Variants in BMERB1 observed in about 807,000 individuals in gnomAD.
BMERB1 encodes bMERB domain containing 1.
A neutral mutation model predicts 23.6 loss-of-function variants in BMERB1; 12 were observed. The ratio of observed to expected loss-of-function variants is 0.51; its 90% confidence interval spans 0.33 to 0.82. The LOEUF (loss-of-function observed/expected upper bound fraction) is 0.82. Among genes scored for constraint, BMERB1 ranks in the 40% least tolerant of loss-of-function variants. BMERB1 has a pLI of 0.03. For missense variants in BMERB1, 247 were observed against 255.4 expected, an observed-to-expected ratio of 0.97 and a Z score of 0.22; for synonymous variants, 122 against 96.6, an observed-to-expected ratio of 1.26 and a Z score of -1.54.
intron 1 of BMERB1, among the ~76,000 whole-genome samples, chr16:15,462,656 T>C (rs1460455752): frequency 6.6e-6 from 1 of 151,980 alleles, no homozygotes; most frequent in Non-Finnish European, 1.5e-5. Context: ...CGAACAGAAA[T>C]TGGCCCCAAC....
intron 1 of BMERB1, among the ~76,000 whole-genome samples, chr16:15,443,162 C>T (rs950980633): frequency 2.0e-5 from 3 of 152,018 alleles, no homozygotes; most frequent in African/African-American, 7.2e-5. Flanking sequence ...GCAGGAGGAT[C>T]ACTTGAACCG....
intron 3 of BMERB1, among the ~76,000 whole-genome samples, chr16:15,572,111 T>G (rs1432201784): frequency 3.3e-5 from 5 of 152,190 alleles, no homozygotes; most frequent in African/African-American, 1.2e-4. Flanking sequence ...ACTACTACTT[T>G]AGTAATTAGA....
At chr16:15,574,615 T>A (rs1268193620) in intron 3 of BMERB1, among the ~76,000 whole-genome samples, 4 of 151,672 alleles carry the variant, frequency 2.6e-5, no homozygotes, top group Non-Finnish European at 5.9e-5. Flanking sequence ...AGGGGTAAAT[T>A]TCAGTCAAGC....
chr16:15,455,333 A>AAAAAG (rs1284573448), intron 1 of BMERB1, among the ~76,000 whole-genome samples: 5 of 150,056 alleles, frequency 3.3e-5, no homozygotes, highest in African/African-American at 1.2e-4. Flanking sequence ...CAAAAAAAAA[A>AAAAAG]AAAAGAAAAG....
At chr16:15,568,436 G>A (rs1459290384) in intron 3 of BMERB1, among the ~76,000 whole-genome samples, 15 of 152,064 alleles carry the variant, frequency 9.9e-5, no homozygotes, top group Admixed American at 9.8e-4. Context: ...TCAGGAGTTT[G>A]AGGCCAGCCT....
intron 1 of BMERB1, among the ~76,000 whole-genome samples, chr16:15,440,921 A>G (rs944033441): frequency 1.3e-5 from 2 of 152,176 alleles, no homozygotes; most frequent in Admixed American, 6.6e-5. Flanking sequence ...GGGAAGGGGT[A>G]CTTTTCATTT....
intron 2 of BMERB1, among the ~76,000 whole-genome samples, chr16:15,525,486 T>C (rs1282771339): frequency 1.3e-5 from 2 of 152,024 alleles, no homozygotes; most frequent in African/African-American, 4.8e-5. Flanking sequence ...GGCAGATCAT[T>C]TGAGGTCAGG....
intron 2 of BMERB1, among the ~76,000 whole-genome samples, chr16:15,548,497 A>G (rs1237449729): frequency 6.6e-6 from 1 of 152,198 alleles, no homozygotes; most frequent in African/African-American, 2.4e-5. Context: ...CAGTTGTTCA[A>G]CTGTGGGTAG....
intron 2 of BMERB1, among the ~76,000 whole-genome samples, chr16:15,529,285 C>T (rs1382574770): frequency 6.6e-6 from 1 of 152,162 alleles, no homozygotes; most frequent in Non-Finnish European, 1.5e-5. Context: ...CTCGGCCTCC[C>T]AACGTGCTGG....
intron 1 of BMERB1, among the ~76,000 whole-genome samples, chr16:15,440,204 G>A (rs974292136): frequency 7.0e-6 from 1 of 142,498 alleles, no homozygotes; most frequent in Non-Finnish European, 1.5e-5. Context: ...GAGATTGGAC[G>A]GCTGCATTCC....
intron 1 of BMERB1, among the ~76,000 whole-genome samples, chr16:15,446,030 A>G (rs962474034): frequency 6.6e-6 from 1 of 152,196 alleles, no homozygotes; most frequent in African/African-American, 2.4e-5. Context: ...CTGACATGAA[A>G]TTATTTTAAA....
chr16:15,530,025 AT>A (rs2051951530), intron 2 of BMERB1, among the ~76,000 whole-genome samples: 1 of 152,130 alleles, frequency 6.6e-6, no homozygotes, highest in Non-Finnish European at 1.5e-5. Flanking sequence ...TTCCTCATTC[AT>A]TCCAGCTTCT....
At chr16:15,439,235 G>C (rs760414159) in intron 1 of BMERB1, among the ~76,000 whole-genome samples, 6 of 152,178 alleles carry the variant, frequency 3.9e-5, no homozygotes, top group Non-Finnish European at 8.8e-5. Flanking sequence ...GCCTCATTCA[G>C]CTGTCACTTG....
Position 15,464,533 on chromosome 16 carries a change from A to G in BMERB1, c.106+29774A>G, listed in dbSNP as rs1181056248. On this transcript the variant is annotated intron_variant, in intron 1 of 5. Transcript: ENST00000300006. Reference sequence around the variant, plus strand: ...CAGTCTCGAGTGCTGCTGGTTGACAATTCTTGTGGTTATGTCTTGATCGTA... The same window carrying G: ...CAGTCTCGAGTGCTGCTGGTTGACAGTTCTTGTGGTTATGTCTTGATCGTA... Among the ~76,000 whole-genome samples the G allele has an allele frequency of 2.6e-5, 4 of 152,248 alleles. No individual in the cohort carries two copies. In the East Asian group the frequency reaches 7.7e-4, roughly 29 times the overall value.
chr16:15,488,923 A>G (rs980526692), intron 1 of BMERB1, among the ~76,000 whole-genome samples: 15 of 149,786 alleles, frequency 1.0e-4, no homozygotes, highest in African/African-American at 3.6e-4. Context: ...AAAAAAAAAA[A>G]GGAATGTACT....
At chr16:15,510,921 C>T (rs1415892638) in intron 1 of BMERB1, among the ~76,000 whole-genome samples, 2 of 152,046 alleles carry the variant, frequency 1.3e-5, no homozygotes, top group African/African-American at 4.8e-5. Context: ...ACACTGGTCT[C>T]GAACTCCTGA....
intron 1 of BMERB1, among the ~76,000 whole-genome samples, chr16:15,513,919 G>A (rs1043478422): frequency 1.3e-5 from 2 of 151,926 alleles, no homozygotes; most frequent in Admixed American, 1.3e-4. Flanking sequence ...GTGTGTCTGT[G>A]TATATTACAC....
intron 2 of BMERB1, among the ~76,000 whole-genome samples, chr16:15,561,043 C>T (rs1413264813): frequency 1.4e-5 from 2 of 141,396 alleles, no homozygotes; most frequent in African/African-American, 5.4e-5. Context: ...GCAATCTCTG[C>T]CTCCTGGGTT....
intron 3 of BMERB1, among the ~76,000 whole-genome samples, chr16:15,569,788 C>T (rs1465759543): frequency 6.6e-6 from 1 of 152,138 alleles, no homozygotes; most frequent in Non-Finnish European, 1.5e-5. Context: ...ATGTTATCTG[C>T]AGGAGTAATT....
Sources: gnomAD v4.1 joint callset for allele counts (sites outside exome capture counted in the v4.1 genomes callset) on GRCh38, gnomAD v4.1.1 for gene constraint, MANE v1.5 for transcripts, NCBI Gene and HGNC (gene_info 2026-07-23, HGNC 2026-07-21) for gene names.